Variants in LRRC7 observed in about 807,000 individuals in gnomAD.
LRRC7 encodes leucine-rich repeat-containing protein 7.
LRRC7 carries 23 observed loss-of-function variants against 175.7 expected under a neutral mutation model. The observed-to-expected ratio is 0.13, with a 90% CI of 0.09 to 0.19. The LOEUF (loss-of-function observed/expected upper bound fraction) is 0.19, where lower values mean the gene tolerates loss of function less well. LRRC7 is among the 10% of genes least tolerant of loss of function. The pLI is 1.00. For synonymous variants in LRRC7, 685 were observed against 680.9 expected, an observed-to-expected ratio of 1.01 and a Z score of -0.09; for missense variants, 1,354 against 1,904.7, an observed-to-expected ratio of 0.71 and a Z score of 5.38.
intron 7 of LRRC7, among the ~76,000 whole-genome samples, chr1:69,842,651 G>T (rs543965664): frequency 6.6e-6 from 1 of 152,204 alleles, no homozygotes; most frequent in East Asian, 1.9e-4. Flanking sequence ...GATGGATTTG[G>T]TAGATGAAGA....
chr1:69,955,105 G>C (rs940459306), intron 8 of LRRC7, among the ~76,000 whole-genome samples: 5 of 152,042 alleles, frequency 3.3e-5, no homozygotes, highest in African/African-American at 9.7e-5. Flanking sequence ...GCCACACACA[G>C]AGCATAGCAC....
chr1:70,039,553 C>T lies in LRRC7; in HGVS notation c.3729C>T (p.Tyr1243=). The change falls in exon 21 of 27, where the codon TAC becomes TAT. Residue 1243 remains tyrosine (Y), a synonymous_variant. Coordinates refer to ENST00000651989, the MANE Select transcript of LRRC7 (RefSeq NM_001370785.2). ...TQRRPLSARS[Y]STESYGASQT... ...GGAGGCCATTGTCTGCGAGAAGCTA[C>T]AGTACAGAGAGTTACGGTGCCTCCC... 6.2e-7 allele frequency: 1 copy of T among 1,614,136 alleles called. No homozygotes were observed. The highest frequency in any genetic ancestry group is 1.1e-5 in the South Asian group (1 of 91,092).
chr1:69,748,428 A>G (rs1290763525), intron 2 of LRRC7, among the ~76,000 whole-genome samples: 2 of 152,166 alleles, frequency 1.3e-5, no homozygotes, highest in Non-Finnish European at 2.9e-5. Flanking sequence ...ATGATTTCCT[A>G]CTAGTCCTTA....
chr1:70,109,186 T>A (rs1397140850), intron 26 of LRRC7, among the ~76,000 whole-genome samples: 1 of 152,132 alleles, frequency 6.6e-6, no homozygotes, highest in Non-Finnish European at 1.5e-5. Context: ...CACACTCAGC[T>A]AATTTTTGTA....
At chr1:69,849,714 A>G (rs1032390184) in intron 7 of LRRC7, among the ~76,000 whole-genome samples, 19 of 152,016 alleles carry the variant, frequency 1.2e-4, no homozygotes, top group Non-Finnish European at 1.5e-5. Flanking sequence ...GCTCTTCACA[A>G]TCTGACCCCA....
At chr1:69,924,340 A>G (rs1646989490) in intron 7 of LRRC7, among the ~76,000 whole-genome samples, 3 of 152,128 alleles carry the variant, frequency 2.0e-5, no homozygotes, top group South Asian at 4.1e-4. Context: ...TTCTGTGAAG[A>G]AAGTCATTGG....
intron 1 of LRRC7, among the ~76,000 whole-genome samples, chr1:69,572,226 G>T (rs112580805): frequency 1.3e-3 from 193 of 152,088 alleles, no homozygotes; most frequent in African/African-American, 4.3e-3. Flanking sequence ...CTTTAATTTA[G>T]CAGTCAACAT....
intron 2 of LRRC7, among the ~76,000 whole-genome samples, chr1:69,731,897 C>A (rs1667619110): frequency 6.6e-6 from 1 of 152,134 alleles, no homozygotes; most frequent in Admixed American, 6.5e-5. Flanking sequence ...TATCTGGGTA[C>A]TTCCAAGTAA....
chr1:70,054,644 C>A (rs970046264), intron 23 of LRRC7, among the ~76,000 whole-genome samples: 14 of 115,766 alleles, frequency 1.2e-4, no homozygotes, highest in African/African-American at 5.0e-4. Flanking sequence ...TAGGCTGGAG[C>A]GCAGTGGCGC....
At chr1:69,937,359 A>G (rs1648150236) in intron 8 of LRRC7, among the ~76,000 whole-genome samples, 1 of 152,130 alleles carries the variant, frequency 6.6e-6, no homozygotes, top group South Asian at 2.1e-4. Context: ...GATTACTAAG[A>G]AAATTTAGCA....
intron 1 of LRRC7, among the ~76,000 whole-genome samples, chr1:69,591,998 T>C (rs1646655496): frequency 6.6e-6 from 1 of 152,118 alleles, no homozygotes; most frequent in African/African-American, 2.4e-5. Context: ...CAAGGCACTA[T>C]GTCCAGTGTT....
chr1:69,682,328 A>T (rs1389415299), intron 2 of LRRC7, among the ~76,000 whole-genome samples: 1 of 152,130 alleles, frequency 6.6e-6, no homozygotes, highest in East Asian at 1.9e-4. Flanking sequence ...ATTGTCCAGA[A>T]GAAAGTGATA....
At chr1:69,577,158 G>T (rs879632162) in intron 1 of LRRC7, among the ~76,000 whole-genome samples, 3 of 152,154 alleles carry the variant, frequency 2.0e-5, no homozygotes, top group Admixed American at 2.0e-4. Flanking sequence ...ATGTGCTTTT[G>T]TACTTTGGTA....
chr1:69,908,054 T>C (rs764116064), intron 7 of LRRC7, among the ~76,000 whole-genome samples: 10 of 152,180 alleles, frequency 6.6e-5, no homozygotes, highest in Non-Finnish European at 8.8e-5. Context: ...TGCATGGAGG[T>C]GTTTGTAGTA....
intron 1 of LRRC7, among the ~76,000 whole-genome samples, chr1:69,646,277 A>C (rs927206306): frequency 1.3e-5 from 2 of 152,110 alleles, no homozygotes; most frequent in African/African-American, 4.8e-5. Context: ...TTTTAAATAG[A>C]TATGAGAGTC....
At position 70,076,149 on chromosome 1, in the gene LRRC7, G is replaced by A. The variant is rs755659746; in HGVS notation, c.4303G>A (p.Glu1435Lys). 1 of 1,614,094 alleles carries A rather than the reference G, an allele frequency of 6.2e-7. No individual in the cohort carries two copies. The highest frequency in any genetic ancestry group is 8.5e-7 in the Non-Finnish European group (1 of 1,179,980). The change falls in exon 24 of 27, where the codon GAA becomes AAA. Residue 1435 changes from glutamate (E) to lysine (K), a missense_variant. Physicochemically the swap from Glu to Lys is moderately conservative, Grantham distance 56. Transcript: ENST00000651989. ...QHRSREQQPY[E>K]GNINKVTIQQ... ...TCGCAGCCGGGAGCAGCAGCCGTAT[G>A]AAGGAAATATAAACAAAGTGACCAT... is the stretch of plus-strand genomic sequence containing the variant.
intron 1 of LRRC7, among the ~76,000 whole-genome samples, chr1:69,583,598 T>G (rs1030902448): frequency 1.6e-4 from 25 of 152,172 alleles, no homozygotes; most frequent in Non-Finnish European, 3.2e-4. Flanking sequence ...TGTTCAAGAA[T>G]TATTATGCCA....
intron 1 of LRRC7, among the ~76,000 whole-genome samples, chr1:69,610,749 A>G (rs1272176551): frequency 6.6e-6 from 1 of 152,038 alleles, no homozygotes; most frequent in Non-Finnish European, 1.5e-5. Context: ...ATTGGTAAGT[A>G]TATTCATCTC....
rs759366857 is a variant in LRRC7, at chr1:70,028,149, A to T, written c.1795-22A>T. The T allele has an allele frequency of 3.1e-6, 5 of 1,591,264 alleles. No individual in the cohort carries two copies. In the East Asian group the frequency reaches 1.1e-4, roughly 36 times the overall value. ...CTTGCTGAAGTTATTTTTATGTTAA[A>T]TTTCTTTTTGTAAACTTCTAGGTTG... On this transcript the variant is annotated intron_variant, in intron 17 of 26. Transcript: ENST00000651989.
Sources: allele counts gnomAD v4.1 joint callset (sites outside exome capture counted in the v4.1 genomes callset), GRCh38; gene constraint gnomAD v4.1.1; transcripts MANE v1.5; gene names NCBI Gene and HGNC (gene_info 2026-07-23, HGNC 2026-07-21).